Variants in DNAH5 observed in about 807,000 individuals in gnomAD.
DNAH5 encodes the protein dynein axonemal heavy chain 5.
In DNAH5, 372 loss-of-function variants were observed where a neutral mutation model predicts 518.2. The ratio of observed to expected loss-of-function variants is 0.72; its 90% CI spans 0.66 to 0.78. DNAH5 has a LOEUF of 0.78. DNAH5 is among the 30% of genes least tolerant of loss of function. DNAH5 has a pLI of 0.00. For synonymous variants in DNAH5, 2,039 were observed against 2,025.9 expected (o/e 1.01, Z -0.17); for missense variants, 5,523 against 5,687.0 (o/e 0.97, Z 0.93).
At chr5:13,990,618 A>G (rs1457365851) in intron 1 of DNAH5, among the ~76,000 whole-genome samples, 1 of 152,154 alleles carries the variant, frequency 6.6e-6, no homozygotes, top group Non-Finnish European at 1.5e-5. Context: ...CTATAATCCC[A>G]ACACTTTGGG....
At chr5:13,699,890 G>A (rs567310842) in intron 78 of DNAH5, among the ~76,000 whole-genome samples, 1 of 152,218 alleles carries the variant, frequency 6.6e-6, no homozygotes, top group African/African-American at 2.4e-5. Flanking sequence ...CTGAAATGTG[G>A]TTATTGCTGT....
chr5:13,917,283 T>G, intron 7 of DNAH5, 27 bp from the exon 8 acceptor site: 1 of 1,540,964 alleles, frequency 6.5e-7, no homozygotes, highest in Non-Finnish European at 9.0e-7. Flanking sequence ...AAAGCAATTT[T>G]AATGTAATTA....
In DNAH5 at chr5:13,793,948, C is replaced by A. The variant is rs148720124; in HGVS notation, c.7998G>T (p.Glu2666Asp). 2.3e-3 allele frequency: 3,632 copies of A among 1,613,962 alleles called. 16 individuals carry two copies. The highest frequency in any genetic ancestry group is 2.8e-3 in the Non-Finnish European group (3,302 of 1,179,872). ...AGAATGATGATACCTGATCTCCCCA[C>A]TCATTGATTATTGGCATATTCACAT... ...IDDVNMPIIN[E>D]WGDQVTNEIV... Residue 2666 changes from glutamate (E) to aspartate (D), a missense_variant, in exon 48 of 79, where the codon GAG becomes GAT. Physicochemically the swap from Glu to Asp is conservative, Grantham distance 45 (BLOSUM62 2). Transcript: ENST00000265104.
chr5:13,966,444 T>C (rs1211237374), intron 1 of DNAH5, among the ~76,000 whole-genome samples: 1 of 152,206 alleles, frequency 6.6e-6, no homozygotes, highest in Non-Finnish European at 1.5e-5. Context: ...TCACACACTG[T>C]TTTCCATAGT....
intron 11 of DNAH5, among the ~76,000 whole-genome samples, chr5:13,911,763 T>C (rs892705337): frequency 6.6e-6 from 1 of 152,070 alleles, no homozygotes; most frequent in Non-Finnish European, 1.5e-5. Flanking sequence ...CACCTGAAAA[T>C]TGGGAAAGAT....
chr5:13,770,979 C>T lies in DNAH5; in HGVS notation c.9375G>A (p.Val3125=). The change falls in exon 56 of 79, where the codon GTG becomes GTA. Residue 3125 remains valine (V), a splice_region_variant and synonymous_variant. Coordinates refer to ENST00000265104, the MANE Select transcript of DNAH5 (RefSeq NM_001369.3). ...CATAGGAAGTGAGGAAGTGTTCAGA[C>T]ACTAGAGAGAATAAAGATGACAGTG... is the stretch of plus-strand genomic sequence containing the variant. The part of the protein sequence containing the change: ...SRWPKDALVA[V]SEHFLTSYDI... The T allele has an allele frequency of 6.2e-7, 1 of 1,604,658 alleles. No individual in the cohort carries two copies. Among genetic ancestry groups the T allele is most frequent in the South Asian group, 1.1e-5 (1 of 90,880 alleles).
chr5:13,714,646 C>A (rs1278697275), intron 74 of DNAH5, 26 bp from the exon 75 acceptor site: 1 of 1,609,042 alleles, frequency 6.2e-7, no homozygotes, highest in Admixed American at 1.7e-5. Flanking sequence ...CCCAGATAAG[C>A]ACAGACTGCC....
intron 49 of DNAH5, among the ~76,000 whole-genome samples, chr5:13,792,573 C>G (rs1215988448): frequency 3.3e-5 from 5 of 152,192 alleles, no homozygotes; most frequent in African/African-American, 9.6e-5. Flanking sequence ...TTTCTAGTTT[C>G]TGTCATTGCC....
rs755722405 is a variant in DNAH5 at position 13,916,386 on chromosome 5, A to G, written c.1159T>C (p.Tyr387His). 34 of 1,530,150 alleles carry G rather than the reference A, an allele frequency of 2.2e-5. No individual in the cohort carries two copies. Among genetic ancestry groups the G allele is most frequent in the Non-Finnish European group, 3.0e-5 (33 of 1,105,672 alleles). The allele number at this position is 1,530,150 out of a possible 1,614,324, so 94.8% of individuals were successfully genotyped here. A position where few individuals can be genotyped will look rare whatever the true frequency, so the allele number is the denominator to read the frequency against. Residue 387 changes from tyrosine (Y) to histidine (H), a missense_variant, in exon 9 of 79, where the codon TAT becomes CAT. Coordinates refer to ENST00000265104, the MANE Select transcript of DNAH5 (RefSeq NM_001369.3). Reference sequence around the variant, plus strand: ...GATGTGATCTTCTCAGAGGTATTATAGTAATGAGAGATACTATAGATCATT... The same window carrying G: ...GATGTGATCTTCTCAGAGGTATTATGGTAATGAGAGATACTATAGATCATT... ...IKMIYSISHY[Y>H]NTSEKITSLF...
chr5:13,953,769 G>A (rs186308802), intron 1 of DNAH5, among the ~76,000 whole-genome samples: 201 of 152,222 alleles, frequency 1.3e-3, no homozygotes, highest in African/African-American at 4.5e-3. Context: ...GTGCAATGGC[G>A]CGATCTCGGC....
At chr5:13,934,295 T>C (rs1420707420) in intron 1 of DNAH5, among the ~76,000 whole-genome samples, 1 of 152,008 alleles carries the variant, frequency 6.6e-6, no homozygotes, top group Non-Finnish European at 1.5e-5. Flanking sequence ...AACCTAAGTT[T>C]CCCCTACAGA....
Position 13,866,000 on chromosome 5 carries a change from A to G in DNAH5, c.4117-94T>C. 5.0e-6 allele frequency: 5 copies of G among 994,978 alleles called. No individual in the cohort carries two copies. The South Asian group carries it at 6.7e-5, about 13-fold the overall frequency. 61.6% of individuals were successfully genotyped at this position (994,978 alleles called of 1,614,324 possible). On this transcript the variant is annotated intron_variant, in intron 26 of 78. Transcript: ENST00000265104. ...AGATTTGCAAACAAGCAAGCCAGAG[A>G]TGTATGATCTCTGGGCACATGTAAA...
rs76624390 is a variant in DNAH5 at position 13,834,433 on chromosome 5, C to T, written c.5883-3658G>A. ...CCTCCCACACATGCTACTTCATGTTCTTCTGTACCATGTAAATTTTTCACC... is the reference window on the plus strand; with the variant it reads ...CCTCCCACACATGCTACTTCATGTTTTTCTGTACCATGTAAATTTTTCACC... On this transcript the variant is annotated intron_variant, in intron 35 of 78. Transcript: ENST00000265104. Among the ~76,000 whole-genome samples, 441 of 152,268 alleles carry T rather than the reference C, an allele frequency of 2.9e-3. 4 individuals carry two copies. The highest frequency in any genetic ancestry group is 0.01 in the African/African-American group (424 of 41,558).
intron 21 of DNAH5, among the ~76,000 whole-genome samples, 156 bp from the exon 22 acceptor site, chr5:13,876,973 C>G (rs1353630593): frequency 6.6e-6 from 1 of 152,208 alleles, no homozygotes. Context: ...TCAATGTCAA[C>G]TTTTCAGGAC....
rs1312343300 is a variant in DNAH5, at chr5:13,847,689, A to G, written c.5115-2696T>C. On this transcript the variant is annotated intron_variant, in intron 31 of 78. Transcript: ENST00000265104. ...CAGTGGGCTGAGATTGCACCACTGC[A>G]CTCCAGCCTGGGCAAAAGAGTGAGA... Among the ~76,000 whole-genome samples, 5 of 150,702 alleles carry G rather than the reference A, an allele frequency of 3.3e-5. No homozygotes were observed. In the East Asian group the frequency reaches 7.8e-4, roughly 24 times the overall value.
chr5:13,757,868 C>T (rs1165618409), intron 61 of DNAH5, among the ~76,000 whole-genome samples: 2 of 152,066 alleles, frequency 1.3e-5, no homozygotes, highest in African/African-American at 2.4e-5. Context: ...TTTATCTAAA[C>T]TCTTTTATTG....
At chr5:13,771,166 T>G (rs980289795) in intron 55 of DNAH5, 186 bp from the exon 56 acceptor site, 1 of 599,138 alleles carries the variant, frequency 1.7e-6, no homozygotes, top group African/African-American at 1.9e-5. Context: ...TATTTTCTGT[T>G]GTATATATAA....
At chr5:13,817,998 C>T (rs1302293092) in intron 41 of DNAH5, among the ~76,000 whole-genome samples, 1 of 152,048 alleles carries the variant, frequency 6.6e-6, no homozygotes, top group African/African-American at 2.4e-5. Flanking sequence ...AATTTCATGG[C>T]TCAAAAAAAA....
chr5:13,786,887 G>C (rs1756111471), intron 51 of DNAH5, among the ~76,000 whole-genome samples: 1 of 152,098 alleles, frequency 6.6e-6, no homozygotes, highest in Non-Finnish European at 1.5e-5. Context: ...TATTTCACTA[G>C]GGCAAGATGT....
Sources: gnomAD v4.1 joint callset for allele counts (sites outside exome capture counted in the v4.1 genomes callset) on GRCh38, gnomAD v4.1.1 for gene constraint, MANE v1.5 for transcripts, NCBI Gene and HGNC (gene_info 2026-07-23, HGNC 2026-07-21) for gene names.